The following MAP3K5 variants were observed in gnomAD, a reference collection of about 807,000 sequenced individuals.
MAP3K5 encodes the protein mitogen-activated protein kinase kinase kinase 5, also known as ASK-1.
In MAP3K5, 56 loss-of-function variants were observed where a neutral mutation model predicts 158.7. The observed-to-expected ratio is 0.35, with a 90% CI of 0.28 to 0.44. The LOEUF (loss-of-function observed/expected upper bound fraction) is 0.44, where lower values mean the gene tolerates loss of function less well. Ranked by LOEUF, MAP3K5 falls within the 20% of genes least tolerant of loss-of-function variation. The probability of loss-of-function intolerance (pLI) is 1.00; values close to 1 mark genes in which losing one functional copy is unlikely to be tolerated. For synonymous variants in MAP3K5, 579 were observed against 601.7 expected, an observed-to-expected ratio of 0.96 and a Z score of 0.55; for missense variants, 1,294 against 1,674.8, an observed-to-expected ratio of 0.77 and a Z score of 3.97.
At chr6:136,606,568 C>T (rs1054432308) in intron 18 of MAP3K5, among the ~76,000 whole-genome samples, 3 of 152,130 alleles carry the variant, frequency 2.0e-5, no homozygotes, top group Admixed American at 6.6e-5. Flanking sequence ...TCGAATACCC[C>T]ATAAAGTGGT....
chr6:136,715,801 G>T (rs9376224), intron 2 of MAP3K5, among the ~76,000 whole-genome samples: 81,594 of 151,324 alleles, frequency 0.54, 22,675 homozygotes, highest in African/African-American at 0.68. Context: ...GAGGCCAACG[G>T]GGGCGGATTG....
chr6:136,583,541 A>C lies in MAP3K5; in HGVS notation c.3411+14T>G. ...TTAGTGTGTGGGAAAACACTGGCAA[A>C]ATATCATACTTACAGCATCTTGAAA... On this transcript the variant is annotated intron_variant, in intron 24 of 29. Transcript: ENST00000359015. The C allele has an allele frequency of 1.3e-6, 2 of 1,595,548 alleles. No individual in the cohort carries two copies. The highest frequency in any genetic ancestry group is 1.1e-5 in the South Asian group (1 of 88,392).
rs549232244 is a variant in MAP3K5, at chr6:136,700,493, A to G, written c.613-1811T>C. Reference sequence around the variant, plus strand: ...CAGAAAGCAAGAATTCAGAAAGCAGAACCAGACTAAGTTATTTATGAACAC... The same window carrying G: ...CAGAAAGCAAGAATTCAGAAAGCAGGACCAGACTAAGTTATTTATGAACAC... On this transcript the variant is annotated intron_variant, in intron 3 of 29. Coordinates refer to ENST00000359015, the MANE Select transcript of MAP3K5 (RefSeq NM_005923.4). Among the ~76,000 whole-genome samples the G allele has an allele frequency of 3.3e-5, 5 of 152,352 alleles. No homozygotes were observed. The East Asian group carries it at 9.6e-4, about 29-fold the overall frequency.
chr6:136,639,488 G>T, intron 13 of MAP3K5, 55 bp downstream of exon 13: 2 of 955,018 alleles, frequency 2.1e-6, no homozygotes, highest in Non-Finnish European at 3.2e-6. Context: ...CTCATTACTT[G>T]AAAATAATGA....
At chr6:136,597,399 C>T (rs1747175838) in intron 21 of MAP3K5, among the ~76,000 whole-genome samples, 1 of 150,328 alleles carries the variant, frequency 6.7e-6, no homozygotes, top group African/African-American at 2.4e-5. Context: ...GGCCTCAGAT[C>T]CTAACAGCTA....
rs189191785 is a variant in MAP3K5 at position 136,767,843 on chromosome 6, A to G, written c.448+23867T>C. ...GGTACTGGCATAAGGACAAAAACAT[A>G]GATCAATGGAAATCAAATGGAGACT... is the stretch of plus-strand genomic sequence containing the variant. On this transcript the variant is annotated intron_variant, in intron 1 of 29. Coordinates refer to ENST00000359015, the MANE Select transcript of MAP3K5 (RefSeq NM_005923.4). 3.1e-3 allele frequency among the ~76,000 whole-genome samples: 480 copies of G among 152,396 alleles called. 8 individuals carry two copies. Among genetic ancestry groups the G allele is most frequent in the East Asian group, 3.8e-4 (2 of 5,196 alleles).
chr6:136,792,877 G>A (rs1024296579), upstream of MAP3K5, among the ~76,000 whole-genome samples: 3 of 152,144 alleles, frequency 2.0e-5, no homozygotes, highest in Non-Finnish European at 4.4e-5. This position sits in a 1 kb window ranked among gnomAD's most constrained non-coding sequence, Gnocchi z 5.7. Context: ...CACTCGTAGC[G>A]GCACCGAGGG....
chr6:136,595,458 T>C (rs959790337), intron 21 of MAP3K5, among the ~76,000 whole-genome samples: 1 of 152,178 alleles, frequency 6.6e-6, no homozygotes, highest in Non-Finnish European at 1.5e-5. Context: ...CCTTCTCTAT[T>C]AGGCACATGC....
At chr6:136,664,834 A>G (rs936827786) in intron 8 of MAP3K5, among the ~76,000 whole-genome samples, 2 of 152,176 alleles carry the variant, frequency 1.3e-5, no homozygotes, top group Non-Finnish European at 2.9e-5. Flanking sequence ...AGAAGGCTGC[A>G]GCATGAGAAT....
At chr6:136,742,685 T>C (rs1223141723) in intron 1 of MAP3K5, among the ~76,000 whole-genome samples, 1 of 152,110 alleles carries the variant, frequency 6.6e-6, no homozygotes, top group African/African-American at 2.4e-5. Context: ...GCAAAAAAAA[T>C]TGTCAAGACT....
At chr6:136,600,034 C>T (rs1422570211) in intron 21 of MAP3K5, among the ~76,000 whole-genome samples, 2 of 152,052 alleles carry the variant, frequency 1.3e-5, no homozygotes, top group Admixed American at 6.6e-5. Flanking sequence ...AATTAACAGG[C>T]CTCTACTCTG....
At chr6:136,691,449 A>G (rs970048278) in intron 7 of MAP3K5, among the ~76,000 whole-genome samples, 1 of 152,072 alleles carries the variant, frequency 6.6e-6, no homozygotes, top group Non-Finnish European at 1.5e-5. Context: ...GGACTCAACT[A>G]AAAATACAAA....
At chr6:136,605,516 C>G (rs944527119) in intron 18 of MAP3K5, 150 bp from the exon 19 acceptor site, 1 of 649,790 alleles carries the variant, frequency 1.5e-6, no homozygotes, top group Non-Finnish European at 2.6e-6. Context: ...CCAGTTTTCT[C>G]TGCTATTAAT....
chr6:136,640,460 G>GT (rs1554290585), intron 12 of MAP3K5, among the ~76,000 whole-genome samples: 1 of 152,104 alleles, frequency 6.6e-6, no homozygotes, highest in Non-Finnish European at 1.5e-5. Flanking sequence ...AATGCATGTC[G>GT]TTTTTTACTT....
chr6:136,574,605 CTG>C (rs1384634678), intron 25 of MAP3K5, among the ~76,000 whole-genome samples: 1 of 150,908 alleles, frequency 6.6e-6, no homozygotes, highest in African/African-American at 2.4e-5. Flanking sequence ...AGAAAATAGT[CTG>C]AGAAAAAACA....
At chr6:136,576,790 G>A (rs1163310801) in intron 25 of MAP3K5, among the ~76,000 whole-genome samples, 3 of 152,096 alleles carry the variant, frequency 2.0e-5, no homozygotes, top group Non-Finnish European at 4.4e-5. Flanking sequence ...AGGATGGATC[G>A]CATATATTAC....
chr6:136,749,270 G>A (rs948084776), intron 1 of MAP3K5, among the ~76,000 whole-genome samples: 13 of 151,932 alleles, frequency 8.6e-5, no homozygotes, highest in African/African-American at 3.1e-4. Context: ...CTACTCAGGA[G>A]GCTGAGGTAG....
At chr6:136,792,705 G>A (rs1785143815), upstream of MAP3K5, among the ~76,000 whole-genome samples, 1 of 152,178 alleles carries the variant, frequency 6.6e-6, no homozygotes, top group African/African-American at 2.4e-5. This position sits in a 1 kb window ranked among gnomAD's most constrained non-coding sequence, Gnocchi z 5.7. Flanking sequence ...CAGCCGAAAG[G>A]ACCCTCCTCC....
chr6:136,695,745 T>C lies in MAP3K5; in HGVS notation c.1082+206A>G, dbSNP rs147876094. On this transcript the variant is annotated intron_variant, in intron 6 of 29. Transcript: ENST00000359015. ...TGTAAGAATTTAAATATACCAACAG[T>C]GTGCGACTTTTTTTTTACTGAAAAA... Among the ~76,000 whole-genome samples the C allele has an allele frequency of 5.5e-3, 843 of 152,300 alleles. 2 individuals carry two copies. Among genetic ancestry groups the C allele is most frequent in the Middle Eastern group, 0.01 (3 of 294 alleles).
Sources: gnomAD v4.1 joint callset for allele counts (sites outside exome capture counted in the v4.1 genomes callset) on GRCh38, gnomAD v4.1.1 for gene constraint, Gnocchi (gnomAD v3.1) non-coding constraint, MANE v1.5 for transcripts, NCBI Gene and HGNC (gene_info 2026-07-23, HGNC 2026-07-21) for gene names.